Variants in EIF3B observed in about 807,000 individuals in gnomAD.
The protein encoded by EIF3B is eukaryotic translation initiation factor 3 subunit B, also known as eukaryotic translation initiation factor 3 subunit 9.
EIF3B carries 10 observed loss-of-function variants against 104.6 expected under a neutral mutation model. That is an observed-to-expected ratio of 0.10 (90% CI 0.06 to 0.16). The LOEUF (loss-of-function observed/expected upper bound fraction) is 0.16, where lower values mean the gene tolerates loss of function less well. Ranked by LOEUF, EIF3B falls within the 10% of genes least tolerant of loss-of-function variation. The pLI is 1.00. For synonymous variants in EIF3B, 542 were observed against 417.2 expected, an observed-to-expected ratio of 1.30 and a Z score of -3.65; for missense variants, 1,014 against 1,087.9, an observed-to-expected ratio of 0.93 and a Z score of 0.96.
chr7:2,354,502 C>A (rs1238074618), upstream of EIF3B, among the ~76,000 whole-genome samples: 1 of 152,172 alleles, frequency 6.6e-6, no homozygotes, highest in African/African-American at 2.4e-5. Flanking sequence ...GTACTAAAAT[C>A]ATTTCTTGTC....
At chr7:2,365,675 G>GTT (rs371025104) in intron 6 of EIF3B, among the ~76,000 whole-genome samples, 2 of 110,594 alleles carry the variant, frequency 1.8e-5, no homozygotes, top group African/African-American at 8.7e-5. Flanking sequence ...TTGTTTGTTT[G>GTT]TTTTGTTTTT....
chr7:2,373,407 T>G (rs1780464761), intron 12 of EIF3B: 1 of 152,484 alleles, frequency 6.6e-6, no homozygotes, highest in Non-Finnish European at 1.5e-5. Context: ...GCGTGGGGTG[T>G]GTGTGTGTGG....
At chr7:2,364,806 G>A (rs1386795969) in intron 6 of EIF3B, among the ~76,000 whole-genome samples, 3 of 152,188 alleles carry the variant, frequency 2.0e-5, no homozygotes, top group Non-Finnish European at 4.4e-5. Context: ...TTTTGTTAGT[G>A]TGACCATAGT....
chr7:2,377,586 T>G (rs1780715109), intron 15 of EIF3B, among the ~76,000 whole-genome samples: 3 of 104,692 alleles, frequency 2.9e-5, no homozygotes, highest in African/African-American at 1.3e-4. Context: ...TGAATGACCC[T>G]GGGTGTCATG....
At chr7:2,378,555 A>AACAG (rs1780816412) in intron 15 of EIF3B, 134 bp from the exon 16 acceptor site, 2 of 687,228 alleles carry the variant, frequency 2.9e-6, no homozygotes, top group African/African-American at 3.7e-5. Context: ...TGGAGAAAGG[A>AACAG]GCATGCGAGC....
At position 2,377,175 on chromosome 7, in the gene EIF3B, G is replaced by C; in HGVS notation, c.2154+100G>C. On this transcript the variant is annotated intron_variant, in intron 15 of 18. Coordinates refer to ENST00000360876, the MANE Select transcript of EIF3B (RefSeq NM_001037283.2). ...GTTATTGTTAGGGTGGTGACTGGGG[G>C]ATAAAAACGTGACATTTGCAAGGAT... is the stretch of plus-strand genomic sequence containing the variant. 5 of 1,441,754 alleles carry C rather than the reference G, an allele frequency of 3.5e-6. No individual in the cohort carries two copies. In the South Asian group the frequency reaches 5.6e-5, roughly 16 times the overall value. The allele number at this position is 1,441,754 out of a possible 1,614,324, so 89.3% of individuals were successfully genotyped here.
At chr7:2,374,309 A>G (rs1024842403) in intron 12 of EIF3B, 7 of 478,770 alleles carry the variant, frequency 1.5e-5, no homozygotes, top group Non-Finnish European at 1.9e-5. Flanking sequence ...TTGTTTTGAA[A>G]TACCCCTGTC....
intron 6 of EIF3B, 71 bp downstream of exon 6, chr7:2,364,600 C>G: frequency 1.5e-6 from 2 of 1,367,306 alleles, no homozygotes; most frequent in East Asian, 2.4e-5. Context: ...GGTGATCTTT[C>G]ATTTTGTAGC....
At chr7:2,380,006 T>G in intron 18 of EIF3B, 198 bp from the exon 19 acceptor site, 1 of 265,788 alleles carries the variant, frequency 3.8e-6, no homozygotes, top group Non-Finnish European at 7.5e-6. Context: ...GAAGGCCTAA[T>G]GGGGTGCCTG....
In EIF3B at chr7:2,360,946, G is replaced by T. The variant is rs375225894; in HGVS notation, c.692+44G>T. The T allele has an allele frequency of 5.4e-6, 8 of 1,491,464 alleles. No homozygotes were observed. The Middle Eastern group carries it at 7.4e-4, about 138-fold the overall frequency. 92.4% of individuals were successfully genotyped at this position (1,491,464 alleles called of 1,614,324 possible). On this transcript the variant is annotated intron_variant, in intron 2 of 18. Transcript: ENST00000360876. Reference sequence around the variant, plus strand: ...GAGAAGTATCATCTGTGTCTGGCACGTCATGATGAGGGAGTGTTGCAGGAG... The same window carrying T: ...GAGAAGTATCATCTGTGTCTGGCACTTCATGATGAGGGAGTGTTGCAGGAG...
intron 9 of EIF3B, among the ~76,000 whole-genome samples, chr7:2,368,655 A>T (rs895314094): frequency 6.6e-6 from 1 of 152,204 alleles, no homozygotes; most frequent in Non-Finnish European, 1.5e-5. Flanking sequence ...TGGGGTTTCC[A>T]GCCTTTTAAG....
Position 2,363,153 on chromosome 7 carries a change from A to G in EIF3B, c.870+26A>G. 7 of 1,597,570 alleles carry G rather than the reference A, an allele frequency of 4.4e-6. No individual in the cohort carries two copies. The South Asian group carries it at 7.7e-5, about 18-fold the overall frequency. On this transcript the variant is annotated intron_variant, in intron 4 of 18. Coordinates refer to ENST00000360876, the MANE Select transcript of EIF3B (RefSeq NM_001037283.2). ...GTGAGTGGCCTGAAACCTACATCTC[A>G]GTGGTTTAAAGAAATGCTGCTGGGT...
rs1489780288 is a variant in EIF3B, at chr7:2,362,979, C to G, written c.813-91C>G. On this transcript the variant is annotated intron_variant, in intron 3 of 18. Coordinates refer to ENST00000360876, the MANE Select transcript of EIF3B (RefSeq NM_001037283.2). ...AGTCACAGCCCTGGGGGCGGGCAGG[C>G]AGGAGCACAGCAGGGCCATGCTGGA... is the stretch of plus-strand genomic sequence containing the variant. The G allele has an allele frequency of 5.9e-6, 9 of 1,521,774 alleles. No homozygotes were observed. In the Admixed American group the frequency reaches 1.5e-4, roughly 26 times the overall value. The allele number at this position is 1,521,774 out of a possible 1,614,324, so 94.3% of individuals were successfully genotyped here.
Position 2,362,134 on chromosome 7 carries a change from A to G in EIF3B, c.693-511A>G, listed in dbSNP as rs551464432. ...GCCACCATGCCCGGCTAATTTTTGT[A>G]TATTTAGCAGAGACAGGGTTTCACC... On this transcript the variant is annotated intron_variant, in intron 2 of 18. Transcript: ENST00000360876. 3.9e-5 allele frequency among the ~76,000 whole-genome samples: 6 copies of G among 151,936 alleles called. No individual in the cohort carries two copies. In the South Asian group the frequency reaches 1.2e-3, roughly 32 times the overall value.
chr7:2,379,362 C>T (rs368564239), intron 17 of EIF3B, 32 bp from the exon 18 acceptor site: 1 of 1,563,860 alleles, frequency 6.4e-7, no homozygotes, highest in African/African-American at 1.4e-5. Context: ...GCATGTGCCC[C>T]CATGGGTGAT....
intron 18 of EIF3B, 199 bp from the exon 19 acceptor site, chr7:2,380,005 A>G (rs1780910832): frequency 3.8e-6 from 1 of 265,934 alleles, no homozygotes; most frequent in Non-Finnish European, 7.5e-6. Flanking sequence ...AGAAGGCCTA[A>G]TGGGGTGCCT....
intron 10 of EIF3B, among the ~76,000 whole-genome samples, chr7:2,370,375 G>A (rs980583751): frequency 6.6e-6 from 1 of 152,002 alleles, no homozygotes; most frequent in African/African-American, 2.4e-5. Flanking sequence ...TACTCGGGAG[G>A]CTGAGGCAGG....
At chr7:2,374,429 C>A in intron 12 of EIF3B, 99 bp from the exon 13 acceptor site, 1 of 1,180,706 alleles carries the variant, frequency 8.5e-7, no homozygotes, top group Non-Finnish European at 1.2e-6. Flanking sequence ...CAGCTCTGCC[C>A]TCATGGGCAG....
chr7:2,359,863 G>C (rs1056384935), intron 1 of EIF3B, among the ~76,000 whole-genome samples: 1 of 152,152 alleles, frequency 6.6e-6, no homozygotes, highest in African/African-American at 2.4e-5. Context: ...ACCCACGTCC[G>C]GTGTCAGGCG....
Sources: gnomAD v4.1 joint callset for allele counts (sites outside exome capture counted in the v4.1 genomes callset) on GRCh38, gnomAD v4.1.1 for gene constraint, MANE v1.5 for transcripts, NCBI Gene and HGNC (gene_info 2026-07-23, HGNC 2026-07-21) for gene names.